The following POLA1 variants were observed in gnomAD, a reference collection of about 807,000 sequenced individuals.
POLA1 encodes DNA polymerase alpha catalytic subunit.
POLA1 carries 15 observed loss-of-function variants against 124.0 expected under a neutral mutation model. That is an observed-to-expected ratio of 0.12 (90% confidence interval 0.08 to 0.19). The LOEUF (loss-of-function observed/expected upper bound fraction) is 0.19. Ranked by LOEUF, POLA1 falls within the 10% of genes least tolerant of loss-of-function variation. POLA1 has a pLI of 1.00. For missense variants in POLA1, 886 were observed against 1,103.4 expected, an observed-to-expected ratio of 0.80 and a Z score of 2.79; for synonymous variants, 408 against 389.4, an observed-to-expected ratio of 1.05 and a Z score of -0.56.
chrX:24,864,726 G>GTT (rs758602081), intron 34 of POLA1, among the ~76,000 whole-genome samples: 2 of 98,213 alleles, frequency 2.0e-5, no homozygotes, highest in Non-Finnish European at 4.2e-5. Context: ...GCTATGGAAT[G>GTT]TTTTTTTTTT....
Position 24,745,890 on chromosome X carries a change from G to A in POLA1, c.2691+348G>A, listed in dbSNP as rs149704959. On this transcript the variant is annotated intron_variant, in intron 24 of 36. Transcript: ENST00000379068. The stretch of plus-strand genomic sequence containing the variant: ...AGAATCATACATTATATGGCCTTTC[G>A]GTATCTGGCTTATTTCACTTATAAT... Among the ~76,000 whole-genome samples, 260 of 111,369 alleles carry A rather than the reference G, an allele frequency of 2.3e-3. 2 individuals carry two copies. The highest frequency in any genetic ancestry group is 8.2e-3 in the African/African-American group (251 of 30,623).
chrX:24,839,188 A>G (rs984388509), intron 32 of POLA1, among the ~76,000 whole-genome samples: 19 of 111,766 alleles, frequency 1.7e-4, no homozygotes, highest in African/African-American at 5.9e-4. Flanking sequence ...ATCATTATAT[A>G]CCTAATATTT....
At chrX:24,748,523 T>C in intron 25 of POLA1, 63 bp downstream of exon 25, 1 of 947,560 alleles carries the variant, frequency 1.1e-6, no homozygotes, top group Non-Finnish European at 1.5e-6. Flanking sequence ...TGATTATTTA[T>C]GAGTAAACAG....
intron 26 of POLA1, among the ~76,000 whole-genome samples, chrX:24,750,856 G>T (rs1396975188): frequency 2.7e-5 from 3 of 111,353 alleles, no homozygotes; most frequent in Non-Finnish European, 5.7e-5. Flanking sequence ...ATGATTTTTG[G>T]TACCCATCTC....
chrX:24,778,417 G>A (rs752099240), intron 26 of POLA1, among the ~76,000 whole-genome samples: 4 of 111,336 alleles, frequency 3.6e-5, no homozygotes, highest in Non-Finnish European at 7.5e-5. Context: ...TTTTAGTAGA[G>A]ACGGGGTTTC....
chrX:24,858,360 C>G (rs955181842), intron 34 of POLA1, among the ~76,000 whole-genome samples: 1 of 111,942 alleles, frequency 8.9e-6, no homozygotes, highest in African/African-American at 3.2e-5. Flanking sequence ...ATGACATCAT[C>G]TGATCCAGTA....
chrX:24,891,245 A>G (rs1351964334), intron 35 of POLA1, among the ~76,000 whole-genome samples: 3 of 111,161 alleles, frequency 2.7e-5, no homozygotes, highest in African/African-American at 9.8e-5. Context: ...GTGTTTCTCA[A>G]GGTTATCAGC....
intron 35 of POLA1, among the ~76,000 whole-genome samples, chrX:24,900,856 T>C (rs1454280801): frequency 8.9e-6 from 1 of 111,745 alleles, no homozygotes; most frequent in African/African-American, 3.3e-5. Flanking sequence ...GAGTCCCAAA[T>C]CTTTCTTATA....
rs187229278 is a variant in POLA1 at position 24,882,975 on chromosome X, A to G, written c.4048-5031A>G. Among the ~76,000 whole-genome samples the G allele has an allele frequency of 6.3e-5, 7 of 111,711 alleles. No homozygotes were observed. In the Admixed American group the frequency reaches 6.6e-4, roughly 11 times the overall value. ...TGATTTACATTCCCACCAACAGTGT[A>G]TAAGCGTTCCCATTTCTCTGCAGCC... is the stretch of plus-strand genomic sequence containing the variant. On this transcript the variant is annotated intron_variant, in intron 34 of 36. Coordinates refer to ENST00000379068, the MANE Select transcript of POLA1 (RefSeq NM_001330360.2).
intron 14 of POLA1, among the ~76,000 whole-genome samples, chrX:24,727,525 T>C (rs1235495379): frequency 8.9e-6 from 1 of 111,893 alleles, no homozygotes; most frequent in Non-Finnish European, 1.9e-5. Context: ...TTAAAACCTA[T>C]TTTGGGTCCT....
intron 2 of POLA1, 50 bp from the exon 3 acceptor site, chrX:24,703,201 C>A (rs779165785): frequency 7.6e-6 from 7 of 924,297 alleles, no homozygotes; most frequent in Non-Finnish European, 1.1e-5. Context: ...TTATTTAACA[C>A]TTTGACTCCT....
At chrX:24,992,739 G>C (rs772028800) in intron 36 of POLA1, among the ~76,000 whole-genome samples, 5 of 112,868 alleles carry the variant, frequency 4.4e-5, no homozygotes, top group Non-Finnish European at 9.4e-5. Context: ...ATGTGAAGTA[G>C]AGTTAGTTTC....
chrX:24,991,478 C>T (rs1332874589), intron 36 of POLA1, among the ~76,000 whole-genome samples: 1 of 112,554 alleles, frequency 8.9e-6, no homozygotes, highest in East Asian at 2.8e-4. Flanking sequence ...CTGTCTCCTC[C>T]CTTCTCGCAT....
intron 1 of POLA1, among the ~76,000 whole-genome samples, chrX:24,698,238 G>A (rs1409608730): frequency 8.9e-6 from 1 of 111,858 alleles, no homozygotes; most frequent in Non-Finnish European, 1.9e-5. Flanking sequence ...CACTGCATCC[G>A]CTTGAATTTT....
chrX:24,849,515 G>A (rs2046522070), intron 34 of POLA1, among the ~76,000 whole-genome samples: 1 of 111,420 alleles, frequency 9.0e-6, no homozygotes, highest in Admixed American at 9.5e-5. Flanking sequence ...TGTCACCCAG[G>A]GTGGTGTGCA....
At chrX:24,968,858 T>G (rs973803460) in intron 36 of POLA1, among the ~76,000 whole-genome samples, 5 of 111,610 alleles carry the variant, frequency 4.5e-5, no homozygotes, top group African/African-American at 1.6e-4. Flanking sequence ...GTATTAAACA[T>G]CTTCTCTATG....
At chrX:24,713,171 G>T (rs1202903168) in intron 4 of POLA1, among the ~76,000 whole-genome samples, 2 of 110,466 alleles carry the variant, frequency 1.8e-5, no homozygotes, top group Non-Finnish European at 3.8e-5. Context: ...CAGCATGTTG[G>T]TCAGGCTGGT....
At chrX:24,958,224 A>ACTT (rs1195918478) in intron 36 of POLA1, among the ~76,000 whole-genome samples, 1 of 111,421 alleles carries the variant, frequency 9.0e-6, no homozygotes, top group African/African-American at 3.3e-5. Context: ...CTATTTTAAA[A>ACTT]CTTAACAAAA....
chrX:24,949,196 CA>C (rs1304871202), intron 36 of POLA1, among the ~76,000 whole-genome samples: 2 of 112,185 alleles, frequency 1.8e-5, no homozygotes, highest in African/African-American at 6.5e-5. Flanking sequence ...GTAGCAGCCA[CA>C]AACTGCGCAT....
Sources: gnomAD v4.1 joint callset for allele counts (sites outside exome capture counted in the v4.1 genomes callset) on GRCh38, gnomAD v4.1.1 for gene constraint, MANE v1.5 for transcripts, NCBI Gene and HGNC (gene_info 2026-07-23, HGNC 2026-07-21) for gene names.